The following CFAP20DC variants were observed in gnomAD, a reference collection of about 807,000 sequenced individuals.
The protein encoded by CFAP20DC is CFAP20 domain containing, also known as protein CFAP20DC.
CFAP20DC carries 84 observed loss-of-function variants against 101.7 expected under a neutral mutation model. The observed-to-expected ratio is 0.83, with a 90% CI of 0.69 to 0.99. The LOEUF (loss-of-function observed/expected upper bound fraction) is 0.99. Ranked by LOEUF, CFAP20DC falls within the 50% of genes least tolerant of loss-of-function variation. CFAP20DC has a pLI of 0.00. For synonymous variants in CFAP20DC, 359 were observed against 351.2 expected (o/e 1.02, Z -0.25); for missense variants, 1,007 against 970.3 (o/e 1.04, Z -0.50).
At chr3:59,047,460 GA>G (rs1358453448) in intron 1 of CFAP20DC, among the ~76,000 whole-genome samples, 3 of 152,114 alleles carry the variant, frequency 2.0e-5, no homozygotes, top group Non-Finnish European at 4.4e-5. Flanking sequence ...ATGGTTTAAA[GA>G]ATCTGTTTTT....
In CFAP20DC at chr3:58,717,421, T is replaced by C. The variant is rs1030723245; in HGVS notation, c.*167A>G. 2.5e-5 allele frequency: 6 copies of C among 238,192 alleles called. No individual in the cohort carries two copies. The highest frequency in any genetic ancestry group is 1.4e-4 in the African/African-American group (6 of 43,198). 14.8% of individuals were successfully genotyped at this position (238,192 alleles called of 1,614,324 possible). A position where few individuals can be genotyped will look rare whatever the true frequency, so the allele number is the denominator to read the frequency against. ...CGCTCAAGTTCATGAAACTCTGAATTGTGTCCAAGGATGCTTTGGGATCTG... is the reference window on the plus strand; with the variant it reads ...CGCTCAAGTTCATGAAACTCTGAATCGTGTCCAAGGATGCTTTGGGATCTG... On this transcript the variant is annotated 3_prime_UTR_variant, in exon 4 of 4. Transcript: ENST00000486145. This position sits in a 1 kb window ranked among gnomAD's most constrained non-coding sequence, Gnocchi z 4.1.
intron 13 of CFAP20DC, among the ~76,000 whole-genome samples, chr3:58,835,436 C>T (rs2076670184): frequency 6.6e-6 from 1 of 152,152 alleles, no homozygotes; most frequent in Non-Finnish European, 1.5e-5. Context: ...GAAGCTGAGG[C>T]TGAAGGAATA....
At chr3:58,821,584 A>G (rs1483082512) in intron 14 of CFAP20DC, among the ~76,000 whole-genome samples, 1 of 149,584 alleles carries the variant, frequency 6.7e-6, no homozygotes, top group Non-Finnish European at 1.5e-5. Flanking sequence ...GCAAATCAAA[A>G]CCACTATGAG....
intron 4 of CFAP20DC, among the ~76,000 whole-genome samples, chr3:58,967,405 A>G (rs2091640579): frequency 6.6e-6 from 1 of 152,184 alleles, no homozygotes; most frequent in Non-Finnish European, 1.5e-5. Context: ...CTAAAACTAT[A>G]CATCTCTTAG....
intron 5 of CFAP20DC, among the ~76,000 whole-genome samples, chr3:58,925,635 G>A (rs919713078): frequency 1.3e-5 from 2 of 152,216 alleles, no homozygotes; most frequent in Non-Finnish European, 2.9e-5. Context: ...TCAACTAACA[G>A]ACTGAGCACT....
chr3:58,726,015 T>G (rs1279452913), intron 3 of CFAP20DC: 1 of 152,428 alleles, frequency 6.6e-6, no homozygotes, highest in Non-Finnish European at 1.5e-5. Context: ...AACAAATGGA[T>G]TGCTTTGTGA....
chr3:58,802,944 C>T lies in CFAP20DC; in HGVS notation c.2237+3451G>A, dbSNP rs116287699. 2.1e-3 allele frequency among the ~76,000 whole-genome samples: 314 copies of T among 151,716 alleles called. 2 individuals carry two copies. The highest frequency in any genetic ancestry group is 7.4e-3 in the African/African-American group (306 of 41,338). On this transcript the variant is annotated intron_variant, in intron 15 of 16. Transcript: ENST00000482387. ...GCATGAGTGATCACTCCACTGCACT[C>T]CAGTCCAGGTGACAGAGTGAGACTG...
At chr3:58,775,190 A>G (rs1292691737) in intron 15 of CFAP20DC, among the ~76,000 whole-genome samples, 2 of 152,206 alleles carry the variant, frequency 1.3e-5, no homozygotes, top group African/African-American at 4.8e-5. Context: ...TTCTGTCCAG[A>G]AAGGCGAGGA....
At position 58,742,142 on chromosome 3, in the gene CFAP20DC, G is replaced by T; in HGVS notation, c.*318C>A. 1.1e-6 allele frequency: 1 copy of T among 913,940 alleles called. No individual in the cohort carries two copies. Among genetic ancestry groups the T allele is most frequent in the African/African-American group, 1.8e-5 (1 of 56,172 alleles). The allele number at this position is 913,940 out of a possible 1,614,324, so 56.6% of individuals were successfully genotyped here. ...GATTAACACTGCAAAAAATTTGAAT[G>T]AATAACTCTTAATTTGTTTACATAA... On this transcript the variant is annotated 3_prime_UTR_variant, in exon 17 of 17. Coordinates refer to ENST00000482387, the MANE Select transcript of CFAP20DC (RefSeq NM_001394063.1).
intron 15 of CFAP20DC, among the ~76,000 whole-genome samples, chr3:58,796,403 A>C (rs974357977): frequency 1.3e-5 from 2 of 152,158 alleles, no homozygotes; most frequent in African/African-American, 4.8e-5. Flanking sequence ...GGGTGCCCTT[A>C]ACTGAGGCTT....
chr3:58,970,963 C>T (rs1025053259), intron 4 of CFAP20DC, among the ~76,000 whole-genome samples: 1 of 152,112 alleles, frequency 6.6e-6, no homozygotes, highest in Non-Finnish European at 1.5e-5. Context: ...TAAAAAATAA[C>T]CATCTCTAGC....
intron 16 of CFAP20DC, among the ~76,000 whole-genome samples, chr3:58,742,781 C>T (rs985443679): frequency 6.6e-6 from 1 of 152,082 alleles, no homozygotes; most frequent in Non-Finnish European, 1.5e-5. Context: ...ACCAGAAGGA[C>T]CAACTTCTTG....
At chr3:58,794,386 T>A (rs760344033) in intron 15 of CFAP20DC, 4 of 453,132 alleles carry the variant, frequency 8.8e-6, no homozygotes, top group Non-Finnish European at 1.3e-5. Flanking sequence ...ATAGTGTTAA[T>A]TCAGTCAAAT....
At chr3:58,793,788 C>A (rs559692504) in intron 15 of CFAP20DC, among the ~76,000 whole-genome samples, 1 of 152,184 alleles carries the variant, frequency 6.6e-6, no homozygotes, top group South Asian at 2.1e-4. Context: ...TTTACTTAAG[C>A]TGAGACTTTC....
At chr3:58,968,613 T>C (rs558202553) in intron 4 of CFAP20DC, among the ~76,000 whole-genome samples, 4 of 152,314 alleles carry the variant, frequency 2.6e-5, no homozygotes, top group African/African-American at 9.6e-5. Flanking sequence ...TATAAGACCT[T>C]TGTCAGATGC....
intron 4 of CFAP20DC, among the ~76,000 whole-genome samples, chr3:59,029,838 T>C (rs1052449758): frequency 2.0e-5 from 3 of 152,042 alleles, no homozygotes; most frequent in Non-Finnish European, 2.9e-5. Flanking sequence ...GGGAGAAGTA[T>C]ACAAATTCGA....
intron 5 of CFAP20DC, among the ~76,000 whole-genome samples, chr3:58,936,820 G>C (rs1043489512): frequency 6.6e-6 from 1 of 151,988 alleles, no homozygotes; most frequent in African/African-American, 2.4e-5. Context: ...TATACCTAAT[G>C]CTAAATGACG....
rs1236419340 is a variant in CFAP20DC at position 59,015,370 on chromosome 3, G to C, written c.278+24187C>G. Among the ~76,000 whole-genome samples, 2 of 151,444 alleles carry C rather than the reference G, an allele frequency of 1.3e-5. No homozygotes were observed. Among genetic ancestry groups the C allele is most frequent in the Non-Finnish European group, 2.9e-5 (2 of 67,894 alleles). On this transcript the variant is annotated intron_variant, in intron 4 of 16. Transcript: ENST00000482387. The surrounding 1 kb of genome is among the most constrained non-coding windows in gnomAD (Gnocchi z 5.4). Reference sequence around the variant, plus strand: ...AAAGGAAGAAGGAAAAGAAAAATTAGGAAGAAGAAGAATAAAAGAAGTAAA... The same window carrying C: ...AAAGGAAGAAGGAAAAGAAAAATTACGAAGAAGAAGAATAAAAGAAGTAAA...
chr3:58,820,571 G>C lies in CFAP20DC; in HGVS notation c.2175+11115C>G, dbSNP rs974869147. Among the ~76,000 whole-genome samples the C allele has an allele frequency of 5.3e-5, 8 of 151,980 alleles. No homozygotes were observed. The East Asian group carries it at 5.8e-4, about 11-fold the overall frequency. On this transcript the variant is annotated intron_variant, in intron 14 of 16. Coordinates refer to ENST00000482387, the MANE Select transcript of CFAP20DC (RefSeq NM_001394063.1). ...GCTTCAAAGAGAAGAAAATACCTAG[G>C]AATCCAACTTACAAGGGATGTGAAG...
Sources: gnomAD v4.1 joint callset for allele counts (sites outside exome capture counted in the v4.1 genomes callset) on GRCh38, gnomAD v4.1.1 for gene constraint, Gnocchi (gnomAD v3.1) non-coding constraint, MANE v1.5 for transcripts, NCBI Gene and HGNC (gene_info 2026-07-23, HGNC 2026-07-21) for gene names.